Variants in DCDC2 observed in about 807,000 individuals in gnomAD.
The protein encoded by DCDC2 is doublecortin domain-containing protein 2.
A neutral mutation model predicts 50.2 loss-of-function variants in DCDC2; 40 were observed. That is an observed-to-expected ratio of 0.80 (90% CI 0.62 to 1.04). DCDC2 has a LOEUF of 1.04. Among genes scored for constraint, DCDC2 ranks in the 50% least tolerant of loss-of-function variants. The pLI is 0.00. For missense variants in DCDC2, 570 were observed against 581.9 expected (o/e 0.98, Z 0.21); for synonymous variants, 234 against 210.6 (o/e 1.11, Z -0.96).
chr6:24,234,359 G>A (rs963760401), intron 7 of DCDC2, among the ~76,000 whole-genome samples: 3 of 152,208 alleles, frequency 2.0e-5, no homozygotes, highest in East Asian at 1.9e-4. Flanking sequence ...TGAGTGCAAA[G>A]TTGAAGATAA....
At position 24,309,259 on chromosome 6, in the gene DCDC2, A is replaced by G. The variant is rs529274097; in HGVS notation, c.349-7215T>C. On this transcript the variant is annotated intron_variant, in intron 2 of 9. Transcript: ENST00000378454. ...AGAATCACTTGAACTCAGGAGGCAGAGGTTGCAGTGAGACGAGATCACGCC... is the reference window on the plus strand; with the variant it reads ...AGAATCACTTGAACTCAGGAGGCAGGGGTTGCAGTGAGACGAGATCACGCC... Among the ~76,000 whole-genome samples the G allele has an allele frequency of 1.4e-4, 21 of 151,830 alleles. No individual in the cohort carries two copies. The East Asian group carries it at 3.9e-3, about 28-fold the overall frequency.
the DCDC2 span, among the ~76,000 whole-genome samples, chr6:24,382,828 T>A: frequency 6.6e-6 from 1 of 152,200 alleles, no homozygotes; most frequent in South Asian, 2.1e-4. Context: ...AGTGTCTGAC[T>A]CCATCTCATC....
At chr6:24,263,327 C>T (rs1036613863) in intron 7 of DCDC2, among the ~76,000 whole-genome samples, 5 of 152,162 alleles carry the variant, frequency 3.3e-5, no homozygotes, top group South Asian at 2.1e-4. Flanking sequence ...GTTCAATGCT[C>T]GGACATCAAC....
At position 24,179,853 on chromosome 6, in the gene DCDC2, C is replaced by T. The variant is rs894813686; in HGVS notation, c.1024-1221G>A. On this transcript the variant is annotated intron_variant, in intron 8 of 9. Transcript: ENST00000378454. ...CCTGTGGTCCCAGCTACTCAGGAGGCTGAGGCAGGAGAATTGCATGAACCC... is the reference window on the plus strand; with the variant it reads ...CCTGTGGTCCCAGCTACTCAGGAGGTTGAGGCAGGAGAATTGCATGAACCC... Among the ~76,000 whole-genome samples, 7 of 147,950 alleles carry T rather than the reference C, an allele frequency of 4.7e-5. No homozygotes were observed. In the East Asian group the frequency reaches 1.4e-3, roughly 31 times the overall value.
chr6:24,283,479 T>C (rs1311862157), intron 6 of DCDC2, among the ~76,000 whole-genome samples: 1 of 152,028 alleles, frequency 6.6e-6, no homozygotes, highest in African/African-American at 2.4e-5. Flanking sequence ...CCACACTCCC[T>C]TCTATATGCA....
chr6:24,189,266 G>A (rs569129023), intron 8 of DCDC2, among the ~76,000 whole-genome samples: 2 of 152,250 alleles, frequency 1.3e-5, no homozygotes, highest in East Asian at 1.9e-4. Context: ...AGGGGAAATC[G>A]TTAAGTATTC....
rs145154884 is a variant in DCDC2 at position 24,174,738 on chromosome 6, C to T, written c.1423G>A (p.Val475Met). The stretch of plus-strand genomic sequence containing the variant: ...CTCTTTTTAAAAATGTTCTAAGCCA[C>T]GGCAGCATAGTCCTTGTTTTGTTGG... ...NNQQNKDYAA[V>M]A is the part of the protein sequence containing the mutation. The change falls in exon 10 of 10, where the codon GTG becomes ATG. Residue 475 changes from valine to methionine, a missense_variant. Coordinates refer to ENST00000378454, the MANE Select transcript of DCDC2 (RefSeq NM_016356.5). 1.3e-4 allele frequency: 206 copies of T among 1,611,036 alleles called. No individual in the cohort carries two copies. The African/African-American group carries it at 1.5e-3, about 12-fold the overall frequency.
upstream of DCDC2, among the ~76,000 whole-genome samples, chr6:24,359,533 T>A (rs1198672896): frequency 9.6e-5 from 10 of 104,582 alleles, no homozygotes; most frequent in East Asian, 1.9e-3. Context: ...TTATATATAT[T>A]TTTTATATAT....
chr6:24,213,954 C>T (rs1483516921), intron 7 of DCDC2, among the ~76,000 whole-genome samples: 1 of 152,122 alleles, frequency 6.6e-6, no homozygotes, highest in Admixed American at 6.5e-5. Context: ...TACAATGATA[C>T]AACCCAAATG....
chr6:24,281,047 A>G (rs1763458292), intron 6 of DCDC2, among the ~76,000 whole-genome samples: 1 of 152,144 alleles, frequency 6.6e-6, no homozygotes, highest in Non-Finnish European at 1.5e-5. Context: ...AGGGAGACGC[A>G]GAAGCCCCAC....
At chr6:24,381,225 G>A in the DCDC2 span, among the ~76,000 whole-genome samples, 2,721 of 152,190 alleles carry the variant, frequency 0.018, 79 homozygotes, top group African/African-American at 0.06. Context: ...CACATAATTA[G>A]CATTTGTATG....
At chr6:24,354,753 G>A (rs1760435178) in intron 1 of DCDC2, among the ~76,000 whole-genome samples, 2 of 152,078 alleles carry the variant, frequency 1.3e-5, no homozygotes, top group Non-Finnish European at 2.9e-5. Context: ...AGTTTTGGGG[G>A]AAATACTCTC....
intron 8 of DCDC2, among the ~76,000 whole-genome samples, chr6:24,202,794 A>G (rs879049528): frequency 6.6e-6 from 1 of 152,232 alleles, no homozygotes; most frequent in Non-Finnish European, 1.5e-5. Context: ...AAGTCTCAGG[A>G]TACAAAATCA....
At chr6:24,331,403 C>T (rs1365301343) in intron 2 of DCDC2, among the ~76,000 whole-genome samples, 1 of 151,634 alleles carries the variant, frequency 6.6e-6, no homozygotes, top group South Asian at 2.1e-4. Flanking sequence ...TGGCCTTAAG[C>T]GATCTTCCTG....
At chr6:24,299,310 A>G (rs1365737874) in intron 4 of DCDC2, among the ~76,000 whole-genome samples, 1 of 152,186 alleles carries the variant, frequency 6.6e-6, no homozygotes, top group Non-Finnish European at 1.5e-5. Context: ...ACATAAAAAT[A>G]GGAACAGTAG....
the DCDC2 span, among the ~76,000 whole-genome samples, chr6:24,380,037 T>A: frequency 9.7e-6 from 1 of 103,522 alleles, no homozygotes; most frequent in Non-Finnish European, 1.9e-5. Context: ...CTGGGGCCTG[T>A]TGGGGGGTGG....
intron 2 of DCDC2, among the ~76,000 whole-genome samples, chr6:24,352,943 C>T (rs1760399064): frequency 6.6e-6 from 1 of 152,166 alleles, no homozygotes; most frequent in Non-Finnish European, 1.5e-5. Flanking sequence ...CATTCACAAA[C>T]TAAAGAATAC....
intron 6 of DCDC2, among the ~76,000 whole-genome samples, chr6:24,286,951 C>T (rs1581632464): frequency 6.6e-6 from 1 of 152,142 alleles, no homozygotes; most frequent in East Asian, 1.9e-4. Flanking sequence ...GCTCCTTTCC[C>T]CTCATACCAA....
chr6:24,215,465 A>G (rs1346456163), intron 7 of DCDC2, among the ~76,000 whole-genome samples: 1 of 152,144 alleles, frequency 6.6e-6, no homozygotes, highest in African/African-American at 2.4e-5. Flanking sequence ...GGACAGAAGC[A>G]GGTGAAGATT....
Sources: allele counts gnomAD v4.1 joint callset (sites outside exome capture counted in the v4.1 genomes callset), GRCh38; gene constraint gnomAD v4.1.1; transcripts MANE v1.5; gene names NCBI Gene and HGNC (gene_info 2026-07-23, HGNC 2026-07-21).